Variants in KCNIP4 observed in about 807,000 individuals in gnomAD.
KCNIP4 encodes the protein potassium voltage-gated channel interacting protein 4.
In KCNIP4, 12 loss-of-function variants were observed where a neutral mutation model predicts 34.0. That is an observed-to-expected ratio of 0.35 (90% CI 0.23 to 0.57). The LOEUF (loss-of-function observed/expected upper bound fraction) is 0.57. Among genes scored for constraint, KCNIP4 ranks in the 20% least tolerant of loss-of-function variants. The pLI is 0.83. For missense variants in KCNIP4, 238 were observed against 311.7 expected (o/e 0.76, Z 1.78); for synonymous variants, 124 against 102.2 (o/e 1.21, Z -1.29).
intron 1 of KCNIP4, among the ~76,000 whole-genome samples, chr4:21,694,890 G>A (rs1305105686): frequency 4.0e-4 from 47 of 117,442 alleles, no homozygotes; most frequent in African/African-American, 5.3e-4. Flanking sequence ...CAAAATCACC[G>A]TTTCCTCAGA....
intron 1 of KCNIP4, among the ~76,000 whole-genome samples, chr4:21,293,814 C>T (rs1763682095): frequency 6.6e-6 from 1 of 152,128 alleles, no homozygotes; most frequent in Non-Finnish European, 1.5e-5. Context: ...TTTATTTAGA[C>T]TAGGAATGGG....
chr4:21,503,987 T>G (rs1733575949), intron 1 of KCNIP4, among the ~76,000 whole-genome samples: 1 of 152,204 alleles, frequency 6.6e-6, no homozygotes, highest in Non-Finnish European at 1.5e-5. Flanking sequence ...AGTCCTAAGC[T>G]TCTCAAATCT....
chr4:20,826,939 T>C (rs1220128971), intron 3 of KCNIP4, among the ~76,000 whole-genome samples: 1 of 152,182 alleles, frequency 6.6e-6, no homozygotes, highest in East Asian at 1.9e-4. Context: ...TGATAGATGA[T>C]CTTCAAAGAG....
intron 1 of KCNIP4, among the ~76,000 whole-genome samples, chr4:21,344,955 A>G (rs563202468): frequency 5.3e-5 from 8 of 152,244 alleles, no homozygotes; most frequent in Admixed American, 5.2e-4. Context: ...TGTATTGTGT[A>G]GGTGTGATGG....
At chr4:21,483,280 G>A (rs948752392) in intron 1 of KCNIP4, among the ~76,000 whole-genome samples, 1 of 151,810 alleles carries the variant, frequency 6.6e-6, no homozygotes, top group Non-Finnish European at 1.5e-5. Flanking sequence ...GACATAAAAT[G>A]TTTAAAATTC....
At chr4:20,963,785 G>T (rs1734087595) in intron 1 of KCNIP4, among the ~76,000 whole-genome samples, 1 of 152,058 alleles carries the variant, frequency 6.6e-6, no homozygotes, top group Non-Finnish European at 1.5e-5. Context: ...GCGAATAAGT[G>T]GGAAATATTA....
At chr4:20,833,622 T>C (rs188913054) in intron 3 of KCNIP4, among the ~76,000 whole-genome samples, 1 of 152,306 alleles carries the variant, frequency 6.6e-6, no homozygotes, top group East Asian at 1.9e-4. Context: ...TAACACGGTA[T>C]TTCATACCAT....
At chr4:21,059,831 T>C (rs532137298) in intron 1 of KCNIP4, among the ~76,000 whole-genome samples, 2 of 152,236 alleles carry the variant, frequency 1.3e-5, no homozygotes, top group African/African-American at 4.8e-5. Context: ...ACAATTTAAC[T>C]GAGAAATTAT....
At chr4:21,197,761 G>C (rs1257215673) in intron 1 of KCNIP4, among the ~76,000 whole-genome samples, 1 of 152,016 alleles carries the variant, frequency 6.6e-6, no homozygotes, top group Non-Finnish European at 1.5e-5. Flanking sequence ...CCTACCGTTA[G>C]AAACAATAAG....
chr4:21,142,240 C>T (rs1752021231), intron 1 of KCNIP4, among the ~76,000 whole-genome samples: 1 of 151,266 alleles, frequency 6.6e-6, no homozygotes, highest in Admixed American at 6.6e-5. Context: ...TTAGAAACTA[C>T]TTTGATCAGA....
intron 1 of KCNIP4, among the ~76,000 whole-genome samples, chr4:21,775,675 T>C (rs1173279358): frequency 6.6e-6 from 1 of 152,096 alleles, no homozygotes; most frequent in Non-Finnish European, 1.5e-5. Flanking sequence ...TTATTGGAGA[T>C]CCTGCAGAGA....
intron 1 of KCNIP4, among the ~76,000 whole-genome samples, chr4:20,942,538 A>G (rs922561257): frequency 3.3e-5 from 5 of 152,198 alleles, no homozygotes; most frequent in African/African-American, 9.7e-5. Flanking sequence ...CCACACAACT[A>G]TGACGTAGGG....
At chr4:21,703,041 A>T (rs1385339071) in intron 1 of KCNIP4, among the ~76,000 whole-genome samples, 1 of 152,068 alleles carries the variant, frequency 6.6e-6, no homozygotes, top group Admixed American at 6.6e-5. Context: ...AGCATATGAC[A>T]AAATTCAACA....
At chr4:21,664,266 A>T (rs1748668093) in intron 1 of KCNIP4, among the ~76,000 whole-genome samples, 1 of 152,094 alleles carries the variant, frequency 6.6e-6, no homozygotes, top group Non-Finnish European at 1.5e-5. Context: ...TGATACCTCT[A>T]TTGCTAATGC....
chr4:21,300,214 T>G (rs1424416535), intron 1 of KCNIP4, among the ~76,000 whole-genome samples: 1 of 152,190 alleles, frequency 6.6e-6, no homozygotes, highest in South Asian at 2.1e-4. Context: ...ATGAAATTGC[T>G]TTGCCATTAA....
intron 1 of KCNIP4, among the ~76,000 whole-genome samples, chr4:20,918,967 AG>A (rs1729117563): frequency 6.6e-6 from 1 of 152,204 alleles, no homozygotes; most frequent in South Asian, 2.1e-4. Context: ...AACATACCAA[AG>A]GGGCCTTTAG....
intron 1 of KCNIP4, among the ~76,000 whole-genome samples, chr4:20,897,093 GAACTA>G (rs1410928894): frequency 6.6e-6 from 1 of 152,052 alleles, no homozygotes; most frequent in Non-Finnish European, 1.5e-5. Flanking sequence ...CATTCACAAA[GAACTA>G]AACTAAAAGT....
At chr4:21,802,269 A>G (rs924688019) in intron 1 of KCNIP4, among the ~76,000 whole-genome samples, 1 of 152,120 alleles carries the variant, frequency 6.6e-6, no homozygotes, top group Non-Finnish European at 1.5e-5. Flanking sequence ...TCACTAGGAT[A>G]TTTAGTATTT....
At chr4:21,900,372 T>C (rs888040645) in intron 1 of KCNIP4, among the ~76,000 whole-genome samples, 5 of 152,168 alleles carry the variant, frequency 3.3e-5, no homozygotes, top group African/African-American at 9.7e-5. Flanking sequence ...TTGAAAATAA[T>C]AGAGCTTCTC....
Sources: allele counts gnomAD v4.1 joint callset (sites outside exome capture counted in the v4.1 genomes callset), GRCh38; gene constraint gnomAD v4.1.1; transcripts MANE v1.5; gene names NCBI Gene and HGNC (gene_info 2026-07-23, HGNC 2026-07-21).